The following TMEM132D variants were observed in gnomAD, a reference collection of about 807,000 sequenced individuals.
TMEM132D encodes the protein transmembrane protein 132D.
Under a neutral mutation model 62.3 loss-of-function variants are expected in TMEM132D, and 21 were observed. That is an observed-to-expected ratio of 0.34 (90% CI 0.24 to 0.49). TMEM132D has a LOEUF of 0.49. TMEM132D is among the 20% of genes least tolerant of loss of function. The pLI is 0.99. For synonymous variants in TMEM132D, 621 were observed against 575.6 expected (o/e 1.08, Z -1.13); for missense variants, 1,346 against 1,402.8 (o/e 0.96, Z 0.65).
At chr12:129,079,536 G>T (rs186047386) in intron 7 of TMEM132D, among the ~76,000 whole-genome samples, 11 of 152,248 alleles carry the variant, frequency 7.2e-5, no homozygotes, top group Admixed American at 2.0e-4. Context: ...AGCTGTCTTA[G>T]ACTCCTCACA....
chr12:129,565,207 G>A (rs1239772011), intron 2 of TMEM132D, among the ~76,000 whole-genome samples: 1 of 152,200 alleles, frequency 6.6e-6, no homozygotes, highest in Non-Finnish European at 1.5e-5. Flanking sequence ...CCCCACACAG[G>A]TGCATCAGCT....
At chr12:129,364,617 A>T (rs1404309601) in intron 3 of TMEM132D, among the ~76,000 whole-genome samples, 1 of 152,116 alleles carries the variant, frequency 6.6e-6, no homozygotes. Flanking sequence ...TAGTGCTTTT[A>T]CCTCACTTTG....
intron 3 of TMEM132D, among the ~76,000 whole-genome samples, chr12:129,494,875 A>G (rs960299119): frequency 4.6e-5 from 7 of 152,088 alleles, no homozygotes; most frequent in Non-Finnish European, 1.5e-5. Context: ...GGATCCTCAA[A>G]CACTTCAGAC....
At chr12:129,361,799 C>T (rs377621616) in intron 3 of TMEM132D, among the ~76,000 whole-genome samples, 17 of 152,018 alleles carry the variant, frequency 1.1e-4, no homozygotes, top group South Asian at 6.2e-4. Context: ...AAATGATTGA[C>T]AAACAAGAAT....
At position 129,747,960 on chromosome 12, in the gene TMEM132D, A is replaced by G. The variant is rs562447984; in HGVS notation, c.80-47262T>C. 3.9e-4 allele frequency among the ~76,000 whole-genome samples: 59 copies of G among 152,282 alleles called. 2 individuals are homozygous for G. The South Asian group carries it at 0.012, about 31-fold the overall frequency. ...TCATCACCGCGGACAGGCGACGCGTATTTGCTTATTTATTTGGGCACTGTC... is the reference window on the plus strand; with the variant it reads ...TCATCACCGCGGACAGGCGACGCGTGTTTGCTTATTTATTTGGGCACTGTC... On this transcript the variant is annotated intron_variant, in intron 1 of 8. Coordinates refer to ENST00000422113, the MANE Select transcript of TMEM132D (RefSeq NM_133448.3).
chr12:129,703,739 C>T (rs757630945), intron 1 of TMEM132D, among the ~76,000 whole-genome samples: 1 of 152,026 alleles, frequency 6.6e-6, no homozygotes, highest in Non-Finnish European at 1.5e-5. Flanking sequence ...GTGACATGTT[C>T]GCATCTTGAA....
intron 1 of TMEM132D, among the ~76,000 whole-genome samples, chr12:129,725,059 C>T (rs1452946509): frequency 6.6e-6 from 1 of 152,150 alleles, no homozygotes; most frequent in Non-Finnish European, 1.5e-5. Context: ...CCAGTAAGCA[C>T]AGAATCCACA....
At chr12:129,386,403 T>C (rs996834798) in intron 3 of TMEM132D, among the ~76,000 whole-genome samples, 3 of 152,078 alleles carry the variant, frequency 2.0e-5, no homozygotes, top group Admixed American at 6.5e-5. Context: ...TCACTAATCA[T>C]AATACAAACA....
intron 2 of TMEM132D, among the ~76,000 whole-genome samples, chr12:129,654,231 T>C (rs1178687306): frequency 6.6e-6 from 1 of 152,056 alleles, no homozygotes; most frequent in African/African-American, 2.4e-5. Flanking sequence ...TCAGACATGT[T>C]CCCATCAGTC....
At chr12:129,796,837 C>G (rs529106245) in intron 1 of TMEM132D, among the ~76,000 whole-genome samples, 139 of 152,254 alleles carry the variant, frequency 9.1e-4, no homozygotes, top group African/African-American at 3.3e-3. Context: ...ATGTAACCAA[C>G]CTGCACGTTC....
chr12:129,289,029 G>C (rs922408012), intron 4 of TMEM132D, among the ~76,000 whole-genome samples: 1 of 152,074 alleles, frequency 6.6e-6, no homozygotes, highest in South Asian at 2.1e-4. Context: ...GAGACCTCCT[G>C]TGAATGGAGG....
At chr12:129,518,364 T>C (rs1252013995) in intron 3 of TMEM132D, among the ~76,000 whole-genome samples, 1 of 152,140 alleles carries the variant, frequency 6.6e-6, no homozygotes, top group Non-Finnish European at 1.5e-5. Context: ...TGTCCTCCTA[T>C]ACAGTACAGT....
chr12:129,625,008 A>G (rs565852756), intron 2 of TMEM132D, among the ~76,000 whole-genome samples: 2 of 152,294 alleles, frequency 1.3e-5, no homozygotes, highest in East Asian at 1.9e-4. Context: ...AACACTCAAC[A>G]TTATTGCTGG....
chr12:129,372,750 T>C (rs1870653981), intron 3 of TMEM132D, among the ~76,000 whole-genome samples: 1 of 151,988 alleles, frequency 6.6e-6, no homozygotes, highest in Non-Finnish European at 1.5e-5. Flanking sequence ...GATGGGACCA[T>C]CTAGTTGCAG....
intron 2 of TMEM132D, among the ~76,000 whole-genome samples, chr12:129,673,543 G>A (rs984569147): frequency 2.0e-5 from 3 of 152,172 alleles, no homozygotes; most frequent in Non-Finnish European, 4.4e-5. Context: ...ATCCGGGACT[G>A]AGAAAAAACT....
At chr12:129,374,616 G>A (rs1265800884) in intron 3 of TMEM132D, among the ~76,000 whole-genome samples, 1 of 152,114 alleles carries the variant, frequency 6.6e-6, no homozygotes, top group Non-Finnish European at 1.5e-5. Context: ...CAGGAAACAA[G>A]GTGCCACCCA....
At chr12:129,486,966 T>C (rs1452498239) in intron 3 of TMEM132D, among the ~76,000 whole-genome samples, 8 of 149,660 alleles carry the variant, frequency 5.3e-5, no homozygotes, top group Non-Finnish European at 1.0e-4. Context: ...ATAAATGCCA[T>C]GAAGGATACG....
At chr12:129,293,101 C>A (rs1013409164) in intron 4 of TMEM132D, among the ~76,000 whole-genome samples, 17 of 152,282 alleles carry the variant, frequency 1.1e-4, no homozygotes, top group Admixed American at 1.0e-3. Flanking sequence ...CTTGACTAGC[C>A]TGACAGGGCT....
chr12:129,072,605 A>G lies in TMEM132D; in HGVS notation c.*1270T>C, dbSNP rs1382237048. On this transcript the variant is annotated 3_prime_UTR_variant, in exon 9 of 9. Coordinates refer to ENST00000422113, the MANE Select transcript of TMEM132D (RefSeq NM_133448.3). ...ATCCCTTCGCACCTCCAAGATGAAG[A>G]AGGTTTCTGTGCTGTCCGGTGTGTG... 2 of 152,294 alleles carry G rather than the reference A, an allele frequency of 1.3e-5. No individual in the cohort carries two copies. Among genetic ancestry groups the G allele is most frequent in the South Asian group, 2.1e-4 (1 of 4,828 alleles). The allele number at this position is 152,294 out of a possible 1,614,324, so 9.4% of individuals were successfully genotyped here.
Sources: allele counts gnomAD v4.1 joint callset (sites outside exome capture counted in the v4.1 genomes callset), GRCh38; gene constraint gnomAD v4.1.1; transcripts MANE v1.5; gene names NCBI Gene and HGNC (gene_info 2026-07-23, HGNC 2026-07-21).